ATG7: variants seen among roughly 807,000 people sequenced by gnomAD.
ATG7 encodes the protein ubiquitin-like modifier-activating enzyme ATG7.
ATG7 carries 70 observed loss-of-function variants against 82.4 expected under a neutral mutation model. The ratio of observed to expected loss-of-function variants is 0.85; its 90% CI spans 0.70 to 1.04. The LOEUF is 1.04. ATG7 is among the 50% of genes least tolerant of loss of function. The pLI is 0.00. For synonymous variants in ATG7, 287 were observed against 313.0 expected (o/e 0.92, Z 0.88); for missense variants, 792 against 864.3 (o/e 0.92, Z 1.05).
rs549320373 is a variant in ATG7 at position 11,309,501 on chromosome 3, A to T, written c.411+440A>T. 4.5e-4 allele frequency among the ~76,000 whole-genome samples: 69 copies of T among 152,146 alleles called. 1 individual carries two copies. Among genetic ancestry groups the T allele is most frequent in the African/African-American group, 1.5e-3 (63 of 41,502 alleles). On this transcript the variant is annotated intron_variant, in intron 7 of 20. Coordinates refer to ENST00000693202, the MANE Select transcript of ATG7 (RefSeq NM_001349232.2). ...ACAGAAACATGTTTTCTGTAAGCGA[A>T]ATCTAATTAAAATGAACGTTAAGGG...
chr3:11,405,284 C>T (rs970241651), intron 19 of ATG7, among the ~76,000 whole-genome samples: 1 of 152,158 alleles, frequency 6.6e-6, no homozygotes, highest in Admixed American at 6.5e-5. Context: ...CCCCCACCCC[C>T]TTGCCCCCAC....
In ATG7 at chr3:11,555,202, C is replaced by T. The variant is rs1327110199; in HGVS notation, c.*359C>T. On this transcript the variant is annotated 3_prime_UTR_variant, in exon 21 of 21. Transcript: ENST00000693202. ...ACAGACCAAATGGGGAAATGAGCAA[C>T]CAGCTCCTGCCCAGAGCCACTGCGG... 1 of 247,056 alleles carries T rather than the reference C, an allele frequency of 4.0e-6. No individual in the cohort carries two copies. The highest frequency in any genetic ancestry group is 1.0e-4 in the South Asian group (1 of 9,704). The allele number at this position is 247,056 out of a possible 1,614,324, so 15.3% of individuals were successfully genotyped here. A position where few individuals can be genotyped will look rare whatever the true frequency, so the allele number is the denominator to read the frequency against.
intron 20 of ATG7, among the ~76,000 whole-genome samples, chr3:11,437,431 A>G (rs1011254127): frequency 1.3e-5 from 2 of 152,208 alleles, no homozygotes; most frequent in South Asian, 2.1e-4. Context: ...GGCTCCATCC[A>G]TAGAAGACAT....
chr3:11,434,647 G>A (rs1203520664), intron 20 of ATG7, among the ~76,000 whole-genome samples: 1 of 152,190 alleles, frequency 6.6e-6, no homozygotes, highest in East Asian at 1.9e-4. Context: ...TTTATTTGCT[G>A]TCAGAGTTAT....
intron 20 of ATG7, among the ~76,000 whole-genome samples, chr3:11,537,893 A>T (rs2070455049): frequency 6.6e-6 from 1 of 152,120 alleles, no homozygotes; most frequent in African/African-American, 2.4e-5. Context: ...CCCGGATCCA[A>T]AATTGGGAGC....
At chr3:11,440,828 C>T (rs2083869129) in intron 20 of ATG7, among the ~76,000 whole-genome samples, 1 of 151,746 alleles carries the variant, frequency 6.6e-6, no homozygotes, top group Admixed American at 6.6e-5. Context: ...GGATTACAGG[C>T]ATCTGCTACC....
chr3:11,501,257 G>A (rs2091296786), intron 20 of ATG7, among the ~76,000 whole-genome samples: 1 of 152,108 alleles, frequency 6.6e-6, no homozygotes, highest in Non-Finnish European at 1.5e-5. Context: ...TGTCTGAAAA[G>A]AAAAGAAAAT....
At chr3:11,316,339 C>T (rs1949404354) in intron 9 of ATG7, among the ~76,000 whole-genome samples, 1 of 152,180 alleles carries the variant, frequency 6.6e-6, no homozygotes, top group Non-Finnish European at 1.5e-5. Flanking sequence ...ATCTATTTTT[C>T]TCCAGAATCT....
chr3:11,485,238 A>C (rs1311772499), intron 20 of ATG7, among the ~76,000 whole-genome samples: 2 of 152,178 alleles, frequency 1.3e-5, no homozygotes, highest in Non-Finnish European at 2.9e-5. Context: ...TTGCCATTCT[A>C]ACTGGTGTGA....
intron 20 of ATG7, among the ~76,000 whole-genome samples, chr3:11,452,113 G>A (rs1002469276): frequency 6.6e-5 from 10 of 151,936 alleles, no homozygotes; most frequent in Non-Finnish European, 1.5e-4. Context: ...GCCAGGTGTG[G>A]TGCCTCACAT....
chr3:11,384,232 C>A (rs2078142371), intron 19 of ATG7, among the ~76,000 whole-genome samples: 1 of 152,208 alleles, frequency 6.6e-6, no homozygotes, highest in Non-Finnish European at 1.5e-5. Flanking sequence ...AGTATTCTTG[C>A]TCTTGTTGCA....
chr3:11,272,949 A>G (rs967104897), intron 1 of ATG7, among the ~76,000 whole-genome samples: 1 of 152,252 alleles, frequency 6.6e-6, no homozygotes. Flanking sequence ...CTAATGCACA[A>G]TAAGAATCAA....
At chr3:11,359,966 G>A (rs1203405902) in intron 15 of ATG7, among the ~76,000 whole-genome samples, 1 of 152,108 alleles carries the variant, frequency 6.6e-6, no homozygotes, top group South Asian at 2.1e-4. Context: ...AAGTGACCTT[G>A]GGCAAGTTAT....
intron 20 of ATG7, chr3:11,477,090 A>T (rs1309002733): frequency 7.8e-7 from 1 of 1,288,796 alleles, no homozygotes; most frequent in East Asian, 5.6e-5. Context: ...TTATTGCAGC[A>T]ATTTGGTGGT....
chr3:11,293,999 CAG>C (rs1226216072), intron 3 of ATG7, among the ~76,000 whole-genome samples: 1 of 126,554 alleles, frequency 7.9e-6, no homozygotes, highest in Non-Finnish European at 1.6e-5. Context: ...GCCTGGGCGA[CAG>C]AGCAGGACTC....
At chr3:11,303,764 T>G (rs994968465) in intron 5 of ATG7, among the ~76,000 whole-genome samples, 2 of 151,074 alleles carry the variant, frequency 1.3e-5, no homozygotes, top group African/African-American at 4.9e-5. Flanking sequence ...GAGGAATATT[T>G]GTCTTTATTC....
intron 13 of ATG7, among the ~76,000 whole-genome samples, chr3:11,344,453 C>G (rs564471846): frequency 6.6e-6 from 1 of 152,332 alleles, no homozygotes; most frequent in Non-Finnish European, 1.5e-5. Flanking sequence ...GCTTTATCAA[C>G]TACGTTTATC....
intron 19 of ATG7, among the ~76,000 whole-genome samples, chr3:11,420,354 G>A (rs563399292): frequency 6.6e-6 from 1 of 151,582 alleles, no homozygotes; most frequent in Non-Finnish European, 1.5e-5. Flanking sequence ...GCCTTTTTTT[G>A]TTTTTTTCAT....
the ATG7 span, among the ~76,000 whole-genome samples, chr3:11,572,730 C>G: frequency 6.6e-6 from 1 of 152,160 alleles, no homozygotes; most frequent in African/African-American, 2.4e-5. Context: ...TCTTGGAGCT[C>G]TACCCATGTT....
Sources: allele counts gnomAD v4.1 joint callset (sites outside exome capture counted in the v4.1 genomes callset), GRCh38; gene constraint gnomAD v4.1.1; transcripts MANE v1.5; gene names NCBI Gene and HGNC (gene_info 2026-07-23, HGNC 2026-07-21).